Variants in ZNF81 observed in about 807,000 individuals in gnomAD.
The protein encoded by ZNF81 is zinc finger protein 81.
ZNF81 carries 5 observed loss-of-function variants against 32.3 expected under a neutral mutation model. The observed-to-expected ratio is 0.15, with a 90% CI of 0.08 to 0.33. ZNF81 has a LOEUF of 0.33. Among genes scored for constraint, ZNF81 ranks in the 10% least tolerant of loss-of-function variants. The pLI is 1.00. For missense variants in ZNF81, 379 were observed against 479.8 expected (o/e 0.79, Z 1.96); for synonymous variants, 163 against 166.8 (o/e 0.98, Z 0.17).
At chrX:47,844,611 G>T (rs1290277392) in intron 1 of ZNF81, among the ~76,000 whole-genome samples, 1 of 112,343 alleles carries the variant, frequency 8.9e-6, no homozygotes, top group Non-Finnish European at 1.9e-5. Context: ...CTTTTTGGCT[G>T]CTATGAATAA....
chrX:47,848,458 A>G (rs942253428), intron 2 of ZNF81, among the ~76,000 whole-genome samples: 1 of 111,106 alleles, frequency 9.0e-6, no homozygotes, highest in Non-Finnish European at 1.9e-5. Flanking sequence ...ATGCTGTTAT[A>G]TTTTTTCTTT....
At position 47,922,363 on chromosome X, in the gene ZNF81, A is replaced by G. The variant is rs1211681630; in HGVS notation, c.*5731A>G. The G allele has an allele frequency of 8.9e-6, 1 of 112,451 alleles. No homozygotes were observed. Among genetic ancestry groups the G allele is most frequent in the East Asian group, 2.8e-4 (1 of 3,602 alleles). 9.3% of individuals were successfully genotyped at this position (112,451 alleles called of 1,213,427 possible). On this transcript the variant is annotated 3_prime_UTR_variant, in exon 5 of 5. Coordinates refer to ENST00000338637, the MANE Select transcript of ZNF81 (RefSeq NM_007137.5). ...AACCATCTCTGCAGCTTGCTTTATTATTATTCAACAATATTTGTTTTGAAT... is the reference window on the plus strand; with the variant it reads ...AACCATCTCTGCAGCTTGCTTTATTGTTATTCAACAATATTTGTTTTGAAT...
At chrX:47,913,111 A>T (rs2058744733) in intron 4 of ZNF81, among the ~76,000 whole-genome samples, 1 of 112,321 alleles carries the variant, frequency 8.9e-6, no homozygotes, top group African/African-American at 3.2e-5. Context: ...GATGGCTATG[A>T]CTACAATATT....
intron 2 of ZNF81, among the ~76,000 whole-genome samples, chrX:47,880,428 G>A (rs1260329466): frequency 8.9e-6 from 1 of 111,867 alleles, no homozygotes; most frequent in Non-Finnish European, 1.9e-5. Context: ...TGCCCAGGCT[G>A]GTCTCAAATG....
intron 4 of ZNF81, among the ~76,000 whole-genome samples, chrX:47,899,518 A>G (rs1352119356): frequency 9.1e-6 from 1 of 110,126 alleles, no homozygotes; most frequent in Non-Finnish European, 1.9e-5. Flanking sequence ...TTGACTTAAA[A>G]GTTTGCGTTT....
intron 4 of ZNF81, among the ~76,000 whole-genome samples, chrX:47,898,563 C>T (rs1428659819): frequency 8.9e-6 from 1 of 111,835 alleles, no homozygotes; most frequent in East Asian, 2.8e-4. Context: ...AGGTCATTTG[C>T]ATTTTCATAT....
At chrX:47,844,924 G>T (rs781974579) in intron 1 of ZNF81, among the ~76,000 whole-genome samples, 40 of 112,116 alleles carry the variant, frequency 3.6e-4, no homozygotes, top group Admixed American at 7.6e-4. Context: ...GTTTTGATTT[G>T]CATTTTCCTA....
At chrX:47,865,109 C>T (rs1321502068) in intron 2 of ZNF81, among the ~76,000 whole-genome samples, 1 of 111,530 alleles carries the variant, frequency 9.0e-6, no homozygotes, top group African/African-American at 3.3e-5. Flanking sequence ...ATTGAGGGCC[C>T]CATTAAGCCC....
At chrX:47,856,458 A>G (rs1310893460) in intron 2 of ZNF81, among the ~76,000 whole-genome samples, 1 of 111,700 alleles carries the variant, frequency 9.0e-6, no homozygotes, top group Non-Finnish European at 1.9e-5. Flanking sequence ...AACACCAAAA[A>G]TTTTATGTGC....
chrX:47,916,115 G>T lies in ZNF81; in HGVS notation c.1469G>T (p.Arg490Ile). 8.3e-7 allele frequency: 1 copy of T among 1,211,316 alleles called. No individual in the cohort carries two copies. The highest frequency in any genetic ancestry group is 1.1e-6 in the Non-Finnish European group (1 of 895,359). Residue 490 changes from arginine to isoleucine, a missense_variant, in exon 5 of 5, where the codon AGA (arginine) becomes ATA (isoleucine). Around this residue, in one of 2 missense-constraint regions of ZNF81, gnomAD observed 102 missense variants for 173.2 expected, o/e 0.59. Transcript: ENST00000338637. ...PSKSQLQMHK[R>I]IHTGEKPYIC... ...AAGTCACAACTCCAGATGCATAAGA[G>T]AATTCATACAGGAGAGAAACCCTAT...
At chrX:47,904,222 A>G (rs1556888597) in intron 4 of ZNF81, among the ~76,000 whole-genome samples, 1 of 111,536 alleles carries the variant, frequency 9.0e-6, no homozygotes, top group African/African-American at 3.3e-5. Flanking sequence ...ATGGGATCTA[A>G]TTAAACTAAA....
At chrX:47,914,041 T>C (rs1290983672) in intron 4 of ZNF81, among the ~76,000 whole-genome samples, 1 of 111,223 alleles carries the variant, frequency 9.0e-6, no homozygotes, top group East Asian at 2.8e-4. Flanking sequence ...TATCATCTAT[T>C]AGTGGAAAAA....
At chrX:47,856,587 G>GA (rs2058518112) in intron 2 of ZNF81, among the ~76,000 whole-genome samples, 1 of 111,853 alleles carries the variant, frequency 8.9e-6, no homozygotes, top group Non-Finnish European at 1.9e-5. Context: ...CAGCAGATAG[G>GA]AAAAAACAAC....
intron 2 of ZNF81, among the ~76,000 whole-genome samples, chrX:47,866,459 G>A (rs2058560240): frequency 1.8e-5 from 2 of 111,896 alleles, no homozygotes; most frequent in South Asian, 7.5e-4. Flanking sequence ...ATGTAGCCGG[G>A]CGGATTCATG....
In ZNF81 at chrX:47,873,463, C is replaced by T. The variant is rs140355879; in HGVS notation, c.55-14536C>T. 6.1e-3 allele frequency among the ~76,000 whole-genome samples: 685 copies of T among 111,398 alleles called. 5 individuals carry two copies. Among genetic ancestry groups the T allele is most frequent in the African/African-American group, 0.022 (659 of 30,648 alleles). ...TTGTTCCTTAGTGGAGGGTTTTCTC[C>T]GGGGCTTTTCTGATGTCTCTCTGTT... is the stretch of plus-strand genomic sequence containing the variant. On this transcript the variant is annotated intron_variant, in intron 2 of 4. Coordinates refer to ENST00000338637, the MANE Select transcript of ZNF81 (RefSeq NM_007137.5).
In ZNF81 at chrX:47,843,432, T is replaced by TACACACACACACACACAC. The variant is rs782116296; in HGVS notation, c.-163-2657_-163-2640dup. 7.6e-3 allele frequency among the ~76,000 whole-genome samples: 738 copies of TACACACACACACACACAC among 96,852 alleles called. 7 individuals carry two copies. The highest frequency in any genetic ancestry group is 0.011 in the African/African-American group (293 of 26,667). 84.1% of individuals were successfully genotyped at this position (96,852 alleles called of 115,157 possible). A position where few individuals can be genotyped will look rare whatever the true frequency, so the allele number is the denominator to read the frequency against. On this transcript the variant is annotated intron_variant, in intron 1 of 4. Coordinates refer to ENST00000338637, the MANE Select transcript of ZNF81 (RefSeq NM_007137.5). Reference sequence around the variant, plus strand: ...AATTATCTTATGTTATTCCTATATCTACACACACACACACACACACACACA... The same window carrying TACACACACACACACACAC: ...AATTATCTTATGTTATTCCTATATCTACACACACACACACACACACACACACACACACACACACACACA...
intron 2 of ZNF81, 113 bp downstream of exon 2, chrX:47,846,434 C>A: frequency 1.2e-6 from 1 of 860,781 alleles, no homozygotes; most frequent in Non-Finnish European, 1.7e-6. Context: ...AGGAAAATTT[C>A]CCCCCACCCT....
rs1416236703 is a variant in ZNF81 at position 47,918,962 on chromosome X, T to A, written c.*2330T>A. On this transcript the variant is annotated 3_prime_UTR_variant, in exon 5 of 5. Transcript: ENST00000338637. Reference sequence around the variant, plus strand: ...CCCACCATTGTATATATTGGGTGTATGTTGGGGGGCATGTAACTTGTCATT... The same window carrying A: ...CCCACCATTGTATATATTGGGTGTAAGTTGGGGGGCATGTAACTTGTCATT... 3.9e-6 allele frequency: 1 copy of A among 256,330 alleles called. No individual in the cohort carries two copies. The highest frequency in any genetic ancestry group is 1.0e-4 in the East Asian group (1 of 9,644). The allele number at this position is 256,330 out of a possible 1,213,427, so 21.1% of individuals were successfully genotyped here. A position where few individuals can be genotyped will look rare whatever the true frequency, so the allele number is the denominator to read the frequency against.
intron 2 of ZNF81, among the ~76,000 whole-genome samples, chrX:47,885,243 G>A (rs2058636974): frequency 9.0e-6 from 1 of 111,253 alleles, no homozygotes; most frequent in Non-Finnish European, 1.9e-5. Context: ...GTCTTCTTTG[G>A]TTCTCAATAG....
Sources: allele counts gnomAD v4.1 joint callset (sites outside exome capture counted in the v4.1 genomes callset), GRCh38; gene constraint gnomAD v4.1.1; regional missense constraint gnomAD v4.1.1; transcripts MANE v1.5; gene names NCBI Gene and HGNC (gene_info 2026-07-23, HGNC 2026-07-21).